The following HS6ST3 variants were observed in gnomAD, a reference collection of about 807,000 sequenced individuals.
HS6ST3 encodes heparan sulfate 6-O-sulfotransferase 3.
In HS6ST3, 12 loss-of-function variants were observed where a neutral mutation model predicts 36.7. The observed-to-expected ratio is 0.33, with a 90% CI of 0.21 to 0.53. HS6ST3 has a LOEUF of 0.53. Among genes scored for constraint, HS6ST3 ranks in the 20% least tolerant of loss-of-function variants. The probability of loss-of-function intolerance (pLI) is 0.95; values close to 1 mark genes in which losing one functional copy is unlikely to be tolerated. For missense variants in HS6ST3, 584 were observed against 640.9 expected, an observed-to-expected ratio of 0.91 and a Z score of 0.96; for synonymous variants, 240 against 257.5, an observed-to-expected ratio of 0.93 and a Z score of 0.65.
rs114718853 is a variant in HS6ST3, at chr13:96,601,246, C to T, written c.708-231244C>T. Among the ~76,000 whole-genome samples, 860 of 152,170 alleles carry T rather than the reference C, an allele frequency of 5.7e-3. 5 individuals are homozygous for T. The highest frequency in any genetic ancestry group is 0.02 in the African/African-American group (813 of 41,540). On this transcript the variant is annotated intron_variant, in intron 1 of 1. Coordinates refer to ENST00000376705, the MANE Select transcript of HS6ST3 (RefSeq NM_153456.4). ...CCCAAGAAAGTTTTCCTCAATTATT[C>T]CCTCAAATAGTTTTTTTCAAACTTT...
At chr13:96,696,692 C>G (rs1335513641) in intron 1 of HS6ST3, among the ~76,000 whole-genome samples, 1 of 152,068 alleles carries the variant, frequency 6.6e-6, no homozygotes, top group Non-Finnish European at 1.5e-5. Context: ...CACAAATGAC[C>G]TTTATACTTG....
In HS6ST3 at chr13:96,320,773, A is replaced by G. The variant is rs1440901475; in HGVS notation, c.707+229204A>G. On this transcript the variant is annotated intron_variant, in intron 1 of 1. Coordinates refer to ENST00000376705, the MANE Select transcript of HS6ST3 (RefSeq NM_153456.4). ...TCCCCAGCGTCGGGGAAGATCAAGAATACTGGGGACTCCTATTTCCCACAT... is the reference window on the plus strand; with the variant it reads ...TCCCCAGCGTCGGGGAAGATCAAGAGTACTGGGGACTCCTATTTCCCACAT... Among the ~76,000 whole-genome samples, 3 of 152,188 alleles carry G rather than the reference A, an allele frequency of 2.0e-5. 1 individual carries two copies. The highest frequency in any genetic ancestry group is 6.3e-3 in the Middle Eastern group (2 of 316).
intron 1 of HS6ST3, among the ~76,000 whole-genome samples, chr13:96,614,026 C>A (rs990360431): frequency 6.6e-6 from 1 of 151,934 alleles, no homozygotes; most frequent in Non-Finnish European, 1.5e-5. Flanking sequence ...GGGCCGGGCG[C>A]GGTGGCTCAC....
At chr13:96,735,325 G>C (rs1876256521) in intron 1 of HS6ST3, among the ~76,000 whole-genome samples, 1 of 152,078 alleles carries the variant, frequency 6.6e-6, no homozygotes, top group Admixed American at 6.5e-5. Context: ...TCTGGGAGGG[G>C]GATATGAGAA....
rs535551402 is a variant in HS6ST3, at chr13:96,710,207, A to G, written c.708-122283A>G. Among the ~76,000 whole-genome samples, 12 of 152,386 alleles carry G rather than the reference A, an allele frequency of 7.9e-5. No individual in the cohort carries two copies. The East Asian group carries it at 2.1e-3, about 27-fold the overall frequency. On this transcript the variant is annotated intron_variant, in intron 1 of 1. Transcript: ENST00000376705. Reference sequence around the variant, plus strand: ...GTAACTCAGGATTTTGAAAATGGCCAAAAAAGACAGCCAAAGAAAATAGGA... The same window carrying G: ...GTAACTCAGGATTTTGAAAATGGCCGAAAAAGACAGCCAAAGAAAATAGGA...
chr13:96,187,726 A>G (rs970827308), intron 1 of HS6ST3, among the ~76,000 whole-genome samples: 3 of 152,270 alleles, frequency 2.0e-5, no homozygotes, highest in South Asian at 4.2e-4. Flanking sequence ...GACACGAGGA[A>G]CCACCCTTTG....
At chr13:96,757,107 T>C (rs557473960) in intron 1 of HS6ST3, among the ~76,000 whole-genome samples, 112 of 152,322 alleles carry the variant, frequency 7.4e-4, no homozygotes, top group Middle Eastern at 6.8e-3. Flanking sequence ...TTTTTGGCTA[T>C]AGAATTCATA....
intron 1 of HS6ST3, among the ~76,000 whole-genome samples, chr13:96,223,656 G>C (rs78913805): frequency 1.5e-4 from 23 of 152,048 alleles, no homozygotes; most frequent in East Asian, 1.2e-3. Flanking sequence ...ATGGATATGG[G>C]GGGGGGGAAG....
chr13:96,218,352 G>C (rs931423733), intron 1 of HS6ST3, among the ~76,000 whole-genome samples: 3 of 152,192 alleles, frequency 2.0e-5, no homozygotes, highest in Admixed American at 6.5e-5. Context: ...GGGAAGCTGG[G>C]GGGCAAGGGA....
intron 1 of HS6ST3, among the ~76,000 whole-genome samples, chr13:96,591,403 T>A (rs1261816794): frequency 6.6e-6 from 1 of 152,124 alleles, no homozygotes; most frequent in Non-Finnish European, 1.5e-5. Context: ...ATTGAAGAAA[T>A]CTTTCACTTC....
chr13:96,362,560 C>T (rs1249789343), intron 1 of HS6ST3, among the ~76,000 whole-genome samples: 1 of 152,094 alleles, frequency 6.6e-6, no homozygotes, highest in East Asian at 1.9e-4. Context: ...CTCTATCATC[C>T]CTCGTGCCTT....
intron 1 of HS6ST3, among the ~76,000 whole-genome samples, chr13:96,512,733 C>G (rs1204042801): frequency 1.3e-5 from 2 of 151,950 alleles, no homozygotes; most frequent in Admixed American, 1.3e-4. Context: ...TTATTTTGTA[C>G]CTGTCAACCT....
intron 1 of HS6ST3, among the ~76,000 whole-genome samples, chr13:96,655,175 C>T (rs2056620438): frequency 6.6e-6 from 1 of 152,056 alleles, no homozygotes; most frequent in South Asian, 2.1e-4. Context: ...CATCTTAGTT[C>T]CTTATTTTAT....
At chr13:96,331,725 G>A (rs1014273811) in intron 1 of HS6ST3, among the ~76,000 whole-genome samples, 12 of 152,264 alleles carry the variant, frequency 7.9e-5, no homozygotes, top group East Asian at 5.8e-4. Flanking sequence ...GGAGCTTCCC[G>A]GCTGCTTTGT....
At chr13:96,521,262 T>C (rs1490774139) in intron 1 of HS6ST3, among the ~76,000 whole-genome samples, 2 of 152,222 alleles carry the variant, frequency 1.3e-5, no homozygotes, top group East Asian at 1.9e-4. Context: ...CAGTATTTTA[T>C]TGAGGATTTT....
intron 1 of HS6ST3, among the ~76,000 whole-genome samples, chr13:96,353,831 A>G (rs779322762): frequency 1.8e-4 from 28 of 152,212 alleles, no homozygotes; most frequent in Non-Finnish European, 3.4e-4. Flanking sequence ...ATTTATAAAC[A>G]TACAAAAAGT....
rs574094175 is a variant in HS6ST3, at chr13:96,242,242, G to A, written c.707+150673G>A. Among the ~76,000 whole-genome samples, 335 of 149,178 alleles carry A rather than the reference G, an allele frequency of 2.2e-3. 4 individuals are homozygous for A. Among genetic ancestry groups the A allele is most frequent in the African/African-American group, 7.9e-3 (318 of 40,428 alleles). On this transcript the variant is annotated intron_variant, in intron 1 of 1. Coordinates refer to ENST00000376705, the MANE Select transcript of HS6ST3 (RefSeq NM_153456.4). ...AGTCTTTTTTTTTTTCTTTTTTTGA[G>A]ATAAGATCTCACTCTGTCCCCCAAG... is the stretch of plus-strand genomic sequence containing the variant.
At chr13:96,461,841 C>A (rs2055785895) in intron 1 of HS6ST3, among the ~76,000 whole-genome samples, 1 of 152,038 alleles carries the variant, frequency 6.6e-6, no homozygotes, top group South Asian at 2.1e-4. Flanking sequence ...AACCTTGATA[C>A]AAAAACCTGA....
chr13:96,769,216 T>G (rs542060641), intron 1 of HS6ST3, among the ~76,000 whole-genome samples: 4 of 152,290 alleles, frequency 2.6e-5, no homozygotes, highest in South Asian at 2.1e-4. Flanking sequence ...TTACAAGACA[T>G]CTCAGCTGCC....
Sources: gnomAD v4.1 joint callset for allele counts (sites outside exome capture counted in the v4.1 genomes callset) on GRCh38, gnomAD v4.1.1 for gene constraint, MANE v1.5 for transcripts, NCBI Gene and HGNC (gene_info 2026-07-23, HGNC 2026-07-21) for gene names.